ORC4: variants seen among roughly 807,000 people sequenced by gnomAD.
ORC4 encodes origin recognition complex subunit 4.
A neutral mutation model predicts 63.9 loss-of-function variants in ORC4; 55 were observed. The observed-to-expected ratio is 0.86, with a 90% confidence interval of 0.69 to 1.08. ORC4 has a LOEUF of 1.08. Among genes scored for constraint, ORC4 ranks in the 50% least tolerant of loss-of-function variants. The pLI is 0.00. For synonymous variants in ORC4, 150 were observed against 168.5 expected (o/e 0.89, Z 0.85); for missense variants, 511 against 504.4 (o/e 1.01, Z -0.13).
rs558480274 is a variant in ORC4, at chr2:147,985,523, C to G, written c.-17-9548G>C. On this transcript the variant is annotated intron_variant, in intron 1 of 13. Transcript: ENST00000392857. ...AGTAAACTCTCTTAACATCTAAAGA[C>G]AGAATTAGAAAATAGCTGACACTAA... 2.3e-4 allele frequency among the ~76,000 whole-genome samples: 35 copies of G among 152,224 alleles called. No individual in the cohort carries two copies. In the East Asian group the frequency reaches 6.6e-3, roughly 29 times the overall value.
intron 1 of ORC4, among the ~76,000 whole-genome samples, chr2:147,977,737 G>A (rs1375619150): frequency 2.0e-5 from 3 of 152,146 alleles, no homozygotes; most frequent in Non-Finnish European, 4.4e-5. Flanking sequence ...CTAGGACCTC[G>A]GTCTGTACAG....
chr2:147,992,268 T>C (rs904508210), intron 1 of ORC4, among the ~76,000 whole-genome samples: 3 of 152,148 alleles, frequency 2.0e-5, no homozygotes, highest in Non-Finnish European at 4.4e-5. Context: ...AACTTTTTTT[T>C]GTTTTTGGTT....
upstream of ORC4, chr2:148,021,084 C>G (rs966025050): frequency 6.6e-6 from 1 of 151,846 alleles, no homozygotes; most frequent in Non-Finnish European, 1.5e-5. Flanking sequence ...AACCCCCCCT[C>G]CCCCCCAAGC....
At chr2:148,020,370 T>A (rs1327553311) in intron 1 of ORC4, among the ~76,000 whole-genome samples, 1 of 152,188 alleles carries the variant, frequency 6.6e-6, no homozygotes, top group Non-Finnish European at 1.5e-5. Flanking sequence ...CCTCACCTAC[T>A]ACCCCGATGC....
chr2:147,949,162 CAGTAT>C (rs1688816674), intron 8 of ORC4, among the ~76,000 whole-genome samples: 1 of 151,412 alleles, frequency 6.6e-6, no homozygotes, highest in African/African-American at 2.4e-5. Flanking sequence ...ATGTTTGCAG[CAGTAT>C]TATTTTTAAT....
chr2:147,971,673 C>T (rs972289727), intron 4 of ORC4, among the ~76,000 whole-genome samples: 3 of 151,716 alleles, frequency 2.0e-5, no homozygotes, highest in African/African-American at 7.3e-5. Flanking sequence ...CCCAAAATAA[C>T]AGTGAATTCA....
At chr2:147,983,542 A>G (rs1459572856) in intron 1 of ORC4, among the ~76,000 whole-genome samples, 1 of 152,200 alleles carries the variant, frequency 6.6e-6, no homozygotes, top group African/African-American at 2.4e-5. Context: ...AGGGGGTCAT[A>G]GGGACCTTTA....
At chr2:147,950,742 G>C (rs1198638982) in intron 8 of ORC4, among the ~76,000 whole-genome samples, 3 of 144,796 alleles carry the variant, frequency 2.1e-5, no homozygotes, top group Middle Eastern at 3.7e-3. Flanking sequence ...TCCAGCCTGG[G>C]CGACAGAGCA....
chr2:147,987,824 C>T (rs1398911231), intron 1 of ORC4, among the ~76,000 whole-genome samples: 2 of 151,980 alleles, frequency 1.3e-5, no homozygotes. Flanking sequence ...GAGGCCGAGG[C>T]GGGCAGATCA....
intron 13 of ORC4, chr2:147,936,706 G>A (rs1030836163): frequency 2.6e-5 from 4 of 152,168 alleles, no homozygotes; most frequent in Non-Finnish European, 5.9e-5. Flanking sequence ...ATTCAGAAAT[G>A]AGCAGCTACA....
chr2:147,964,485 C>G (rs1689784673), intron 4 of ORC4, among the ~76,000 whole-genome samples: 1 of 152,014 alleles, frequency 6.6e-6, no homozygotes. Flanking sequence ...ATTGTACTTT[C>G]AGGAGGAGAA....
At chr2:147,975,850 G>GT (rs1690518756) in intron 2 of ORC4, 52 bp downstream of exon 2, 3 of 1,042,034 alleles carry the variant, frequency 2.9e-6, no homozygotes, top group Non-Finnish European at 4.5e-6. Context: ...CTATTTCTCT[G>GT]AACAGCTTTA....
chr2:147,943,110 C>T (rs949541001), intron 10 of ORC4, among the ~76,000 whole-genome samples: 1 of 151,994 alleles, frequency 6.6e-6, no homozygotes, highest in Non-Finnish European at 1.5e-5. Context: ...AGTAATCAAA[C>T]AAGAAATCAA....
chr2:148,005,725 T>G (rs368599404), intron 1 of ORC4, among the ~76,000 whole-genome samples: 13 of 138,274 alleles, frequency 9.4e-5, no homozygotes, highest in African/African-American at 3.3e-4. Context: ...ATGCCCATAA[T>G]CTCAGCACTT....
Position 147,952,382 on chromosome 2 carries a change from T to G in ORC4, c.579A>C (p.Thr193=), listed in dbSNP as rs1460230205. The change falls in exon 8 of 14, where the codon ACA becomes ACC. Residue 193 remains threonine, a synonymous_variant. Transcript: ENST00000392857. ...AQTPIAVIGL[T]CRLDILELLE... is the part of the protein sequence containing the mutation. Reference sequence around the variant, plus strand: ...GAACAGAAAGACTTACCAATCTACATGTAAGACCAATAACTGCTATTGGGG... The same window carrying G: ...GAACAGAAAGACTTACCAATCTACAGGTAAGACCAATAACTGCTATTGGGG... 6.2e-7 allele frequency: 1 copy of G among 1,603,250 alleles called. No individual in the cohort carries two copies. The highest frequency in any genetic ancestry group is 1.7e-5 in the Admixed American group (1 of 59,994).
intron 4 of ORC4, among the ~76,000 whole-genome samples, chr2:147,962,895 T>C (rs1305018885): frequency 6.6e-6 from 1 of 152,072 alleles, no homozygotes; most frequent in Non-Finnish European, 1.5e-5. Flanking sequence ...CTGGCAGGCA[T>C]GCCCCCAGCC....
chr2:148,001,455 C>G (rs1052827164), intron 1 of ORC4, among the ~76,000 whole-genome samples: 1 of 152,146 alleles, frequency 6.6e-6, no homozygotes, highest in African/African-American at 2.4e-5. Context: ...GGCCAATAGT[C>G]AACATTCTTA....
intron 8 of ORC4, among the ~76,000 whole-genome samples, chr2:147,952,054 C>A (rs1208273385): frequency 6.6e-6 from 1 of 152,136 alleles, no homozygotes; most frequent in African/African-American, 2.4e-5. Context: ...AAAACTATTA[C>A]CAAGTTTTCT....
At chr2:147,990,118 T>C (rs1691492866) in intron 1 of ORC4, among the ~76,000 whole-genome samples, 1 of 152,222 alleles carries the variant, frequency 6.6e-6, no homozygotes, top group Admixed American at 6.5e-5. Flanking sequence ...ATACAAATTC[T>C]ATTACTGTTT....
Sources: gnomAD v4.1 joint callset for allele counts (sites outside exome capture counted in the v4.1 genomes callset) on GRCh38, gnomAD v4.1.1 for gene constraint, MANE v1.5 for transcripts, NCBI Gene and HGNC (gene_info 2026-07-23, HGNC 2026-07-21) for gene names.